Variants in SNX18 observed in about 807,000 individuals in gnomAD.
SNX18 encodes sorting nexin 18.
In SNX18, 35 loss-of-function variants were observed where a neutral mutation model predicts 48.7. That is an observed-to-expected ratio of 0.72 (90% CI 0.55 to 0.95). SNX18 has a LOEUF of 0.95. Ranked by LOEUF, SNX18 falls within the 40% of genes least tolerant of loss-of-function variation. The probability of loss-of-function intolerance (pLI) is 0.00; values close to 1 mark genes in which losing one functional copy is unlikely to be tolerated. For missense variants in SNX18, 824 were observed against 871.0 expected (o/e 0.95, Z 0.68); for synonymous variants, 492 against 384.7 (o/e 1.28, Z -3.26).
At chr5:54,641,803 G>A in the SNX18 span, among the ~76,000 whole-genome samples, 2 of 152,156 alleles carry the variant, frequency 1.3e-5, no homozygotes, top group Non-Finnish European at 2.9e-5. Flanking sequence ...GTGTATGTAT[G>A]CGTGTGCGGG....
the SNX18 span, among the ~76,000 whole-genome samples, chr5:54,621,435 G>A: frequency 6.6e-6 from 1 of 152,166 alleles, no homozygotes; most frequent in Non-Finnish European, 1.5e-5. Context: ...CTAGTAGCAG[G>A]AAAAATTAGA....
rs1326876477 is a variant in SNX18 at position 54,546,416 on chromosome 5, A to G, written c.*2984A>G. ...ATACCTTTAAGTCCATAAGCATTCAATTTTCTCATTTCCACCTTCATCTTT... is the reference window on the plus strand; with the variant it reads ...ATACCTTTAAGTCCATAAGCATTCAGTTTTCTCATTTCCACCTTCATCTTT... On this transcript the variant is annotated 3_prime_UTR_variant, in exon 2 of 2. Coordinates refer to ENST00000381410, the MANE Select transcript of SNX18 (RefSeq NM_001102575.2). The G allele has an allele frequency of 2.0e-5, 3 of 152,166 alleles. No individual in the cohort carries two copies. Among genetic ancestry groups the G allele is most frequent in the Non-Finnish European group, 2.9e-5 (2 of 68,022 alleles). The allele number at this position is 152,166 out of a possible 1,614,324, so 9.4% of individuals were successfully genotyped here.
the SNX18 span, among the ~76,000 whole-genome samples, chr5:54,641,561 G>A: frequency 1.3e-5 from 2 of 152,036 alleles, no homozygotes; most frequent in South Asian, 2.1e-4. Context: ...ACACCTTTAG[G>A]GCACTGCACT....
intron 1 of SNX18, among the ~76,000 whole-genome samples, chr5:54,528,137 C>T (rs1197320287): frequency 1.2e-5 from 1 of 86,554 alleles, no homozygotes; most frequent in Non-Finnish European, 2.7e-5. Context: ...CATACACGCA[C>T]ATACACACAC....
the SNX18 span, among the ~76,000 whole-genome samples, chr5:54,565,026 G>GGCT: frequency 6.6e-6 from 1 of 152,110 alleles, no homozygotes; most frequent in Non-Finnish European, 1.5e-5. Context: ...AGCCAGTGAT[G>GGCT]GCTGAGTCCT....
chr5:54,580,504 A>C, the SNX18 span, among the ~76,000 whole-genome samples: 1 of 152,178 alleles, frequency 6.6e-6, no homozygotes, highest in African/African-American at 2.4e-5. Context: ...TTATTCATTC[A>C]GTAGCTAGGT....
At chr5:54,581,004 A>G in the SNX18 span, among the ~76,000 whole-genome samples, 2 of 152,138 alleles carry the variant, frequency 1.3e-5, no homozygotes, top group African/African-American at 4.8e-5. Flanking sequence ...GTAGGACTCA[A>G]AAAGGATGCT....
chr5:54,570,465 C>CATTT, the SNX18 span, among the ~76,000 whole-genome samples: 1 of 152,190 alleles, frequency 6.6e-6, no homozygotes, highest in Non-Finnish European at 1.5e-5. Flanking sequence ...TCTGCACCAT[C>CATTT]ATTTCATAAG....
At chr5:54,640,136 A>C in the SNX18 span, among the ~76,000 whole-genome samples, 1 of 152,108 alleles carries the variant, frequency 6.6e-6, no homozygotes. Context: ...GAGAAGCCTA[A>C]CCTCAAATAC....
At chr5:54,610,554 C>T in the SNX18 span, among the ~76,000 whole-genome samples, 3 of 152,156 alleles carry the variant, frequency 2.0e-5, no homozygotes, top group African/African-American at 7.2e-5. Context: ...CCCCTCTTGG[C>T]CATATTTTCT....
At chr5:54,638,876 A>G in the SNX18 span, among the ~76,000 whole-genome samples, 1 of 152,124 alleles carries the variant, frequency 6.6e-6, no homozygotes, top group Non-Finnish European at 1.5e-5. Flanking sequence ...AAGACCTCAT[A>G]ACATCATCCT....
At chr5:54,527,193 TGGAC>T (rs1762147518) in intron 1 of SNX18, among the ~76,000 whole-genome samples, 1 of 152,120 alleles carries the variant, frequency 6.6e-6, no homozygotes, top group Non-Finnish European at 1.5e-5. Context: ...GACATCCAAC[TGGAC>T]ATATTAACAG....
the SNX18 span, among the ~76,000 whole-genome samples, chr5:54,567,264 A>G: frequency 6.6e-6 from 1 of 151,920 alleles, no homozygotes; most frequent in East Asian, 1.9e-4. Flanking sequence ...TGATGTCCCC[A>G]GTATGTCATG....
intron 1 of SNX18, among the ~76,000 whole-genome samples, chr5:54,537,393 C>G (rs570356959): frequency 2.0e-5 from 3 of 152,152 alleles, no homozygotes; most frequent in Non-Finnish European, 4.4e-5. Context: ...ATAATAAAAT[C>G]GTAATATGCT....
At chr5:54,611,186 G>C in the SNX18 span, among the ~76,000 whole-genome samples, 2 of 152,148 alleles carry the variant, frequency 1.3e-5, no homozygotes, top group Admixed American at 6.5e-5. Flanking sequence ...CCCTTGATAA[G>C]ATAGACGCAT....
At chr5:54,588,738 T>C in the SNX18 span, among the ~76,000 whole-genome samples, 1 of 152,200 alleles carries the variant, frequency 6.6e-6, no homozygotes, top group South Asian at 2.1e-4. Context: ...AGTACTGTCA[T>C]TTACTTGCAT....
At chr5:54,531,682 C>A (rs947041625) in intron 1 of SNX18, among the ~76,000 whole-genome samples, 2 of 152,202 alleles carry the variant, frequency 1.3e-5, no homozygotes, top group African/African-American at 4.8e-5. Flanking sequence ...TAAAGACTCA[C>A]AGCCACCGGA....
chr5:54,645,039 G>A, the SNX18 span: 15 of 152,320 alleles, frequency 9.8e-5, no homozygotes, highest in African/African-American at 3.4e-4. Flanking sequence ...AGATCCACAG[G>A]TGATTTGCAT....
chr5:54,600,181 C>A, the SNX18 span, among the ~76,000 whole-genome samples: 1 of 152,032 alleles, frequency 6.6e-6, no homozygotes, highest in African/African-American at 2.4e-5. Flanking sequence ...TGAACAGACC[C>A]CTCTCAAAAG....
Sources: gnomAD v4.1 joint callset for allele counts (sites outside exome capture counted in the v4.1 genomes callset) on GRCh38, gnomAD v4.1.1 for gene constraint, MANE v1.5 for transcripts, NCBI Gene and HGNC (gene_info 2026-07-23, HGNC 2026-07-21) for gene names.